The following NEK10 variants were observed in gnomAD, a reference collection of about 807,000 sequenced individuals.
NEK10 encodes NIMA related kinase 10.
A neutral mutation model predicts 159.8 loss-of-function variants in NEK10; 122 were observed. The observed-to-expected ratio is 0.76, with a 90% confidence interval of 0.66 to 0.89. The LOEUF (loss-of-function observed/expected upper bound fraction) is 0.89, where lower values mean the gene tolerates loss of function less well. NEK10 is among the 40% of genes least tolerant of loss of function. The pLI, the probability that NEK10 is intolerant of heterozygous loss-of-function variation, is 0.00. For missense variants in NEK10, 1,342 were observed against 1,323.1 expected, an observed-to-expected ratio of 1.01 and a Z score of -0.22; for synonymous variants, 466 against 457.1, an observed-to-expected ratio of 1.02 and a Z score of -0.25.
chr3:27,111,233 T>C lies in NEK10; in HGVS notation c.*39A>G. The C allele has an allele frequency of 6.3e-7, 1 of 1,595,430 alleles. No homozygotes were observed. The highest frequency in any genetic ancestry group is 8.6e-7 in the Non-Finnish European group (1 of 1,165,564). On this transcript the variant is annotated 3_prime_UTR_variant, in exon 36 of 36. Coordinates refer to ENST00000691995, the MANE Select transcript of NEK10 (RefSeq NM_001394966.1). Reference sequence around the variant, plus strand: ...AGCGGCTGAAGTCCAGAACTTGAACTTCACTGAGAAAATCAAGTCCACTCA... The same window carrying C: ...AGCGGCTGAAGTCCAGAACTTGAACCTCACTGAGAAAATCAAGTCCACTCA...
At chr3:27,268,047 A>G (rs2041046211) in intron 22 of NEK10, among the ~76,000 whole-genome samples, 1 of 152,218 alleles carries the variant, frequency 6.6e-6, no homozygotes, top group South Asian at 2.1e-4. Context: ...GGTCAAACCA[A>G]CACATTCCCT....
rs545774962 is a variant in NEK10, at chr3:27,308,930, C to T, written c.712G>A (p.Glu238Lys). ...GSLLALASLA[E>K]SQECREKISE... Reference sequence around the variant, plus strand: ...ATATTAGAATACACTACTTACCTTTCTGCTAAACTAGCCAGAGCCAGAAGG... The same window carrying T: ...ATATTAGAATACACTACTTACCTTTTTGCTAAACTAGCCAGAGCCAGAAGG... The change falls in exon 10 of 36, where the codon GAA becomes AAA. Residue 238 changes from glutamate to lysine, a missense_variant. By Grantham distance (56) the Glu-to-Lys change is moderately conservative (BLOSUM62 1). Transcript: ENST00000691995. 1 of 1,564,132 alleles carries T rather than the reference C, an allele frequency of 6.4e-7. No homozygotes were observed.
intron 22 of NEK10, among the ~76,000 whole-genome samples, chr3:27,270,588 G>A (rs1410251955): frequency 1.3e-5 from 2 of 152,076 alleles, no homozygotes; most frequent in African/African-American, 2.4e-5. Context: ...GCCATCATCC[G>A]TCCATGCTAC....
At chr3:27,340,609 T>C (rs564095068) in intron 5 of NEK10, among the ~76,000 whole-genome samples, 16 of 152,108 alleles carry the variant, frequency 1.1e-4, no homozygotes, top group African/African-American at 3.9e-4. Context: ...TGAAAAAAAG[T>C]TCAACATCAC....
intron 30 of NEK10, among the ~76,000 whole-genome samples, chr3:27,155,924 T>C (rs1945363302): frequency 6.6e-6 from 1 of 152,156 alleles, no homozygotes; most frequent in Non-Finnish European, 1.5e-5. Flanking sequence ...AACAGCATGG[T>C]ACTGGTATAA....
At position 27,362,168 on chromosome 3, in the gene NEK10, G is replaced by C. The variant is rs6778991; in HGVS notation, c.-38+7057C>G. Among the ~76,000 whole-genome samples the C allele has an allele frequency of 5.4e-3, 825 of 152,256 alleles. 9 individuals are homozygous for C. Among genetic ancestry groups the C allele is most frequent in the African/African-American group, 0.018 (743 of 41,556 alleles). On this transcript the variant is annotated intron_variant, in intron 1 of 35. Transcript: ENST00000691995. ...GAAGAAGGTCCAGAAGGATGGGCAG[G>C]GGGGTGAACAACGGGCCTGGCCAGT...
At chr3:27,268,844 G>C (rs531233735) in intron 22 of NEK10, among the ~76,000 whole-genome samples, 1 of 152,208 alleles carries the variant, frequency 6.6e-6, no homozygotes, top group African/African-American at 2.4e-5. Context: ...AATGGATCTG[G>C]GCAACGTTTA....
intron 30 of NEK10, among the ~76,000 whole-genome samples, chr3:27,157,346 A>C (rs1219144999): frequency 3.3e-5 from 5 of 152,172 alleles, no homozygotes; most frequent in Admixed American, 6.5e-5. Context: ...TGAATGGTCA[A>C]AATATCAACA....
chr3:27,227,186 T>C (rs899266523), intron 23 of NEK10, among the ~76,000 whole-genome samples: 2 of 152,124 alleles, frequency 1.3e-5, no homozygotes, highest in African/African-American at 4.8e-5. Flanking sequence ...AGCAAACTAA[T>C]GGAGGTGTAG....
intron 23 of NEK10, among the ~76,000 whole-genome samples, chr3:27,236,028 C>A (rs1953872688): frequency 6.6e-6 from 1 of 151,000 alleles, no homozygotes; most frequent in African/African-American, 2.4e-5. Context: ...AGGCCATTAT[C>A]ATTAGCAAAC....
At chr3:27,349,196 G>A (rs1575867053) in intron 3 of NEK10, among the ~76,000 whole-genome samples, 1 of 152,188 alleles carries the variant, frequency 6.6e-6, no homozygotes, top group South Asian at 2.1e-4. Context: ...TAGGCTTTCA[G>A]ACATTACATA....
intron 8 of NEK10, chr3:27,311,560 C>T (rs919103224): frequency 2.5e-5 from 4 of 160,430 alleles, no homozygotes; most frequent in Middle Eastern, 6.2e-3. Flanking sequence ...GCATCCCACA[C>T]GGCAGGACGT....
At chr3:27,235,653 A>G (rs1953828204) in intron 23 of NEK10, among the ~76,000 whole-genome samples, 1 of 152,194 alleles carries the variant, frequency 6.6e-6, no homozygotes, top group Admixed American at 6.5e-5. Context: ...ATGCTTTTAC[A>G]TTGTTGATGG....
intron 12 of NEK10, 70 bp from the exon 13 acceptor site, chr3:27,301,905 AT>A: frequency 8.0e-7 from 1 of 1,253,730 alleles, no homozygotes; most frequent in Non-Finnish European, 1.1e-6. Context: ...TCTGTGTCAC[AT>A]TTAAGAAATC....
chr3:27,166,874 C>T (rs746975169), intron 29 of NEK10, among the ~76,000 whole-genome samples: 13 of 152,086 alleles, frequency 8.5e-5, no homozygotes, highest in South Asian at 2.1e-4. Context: ...GCAGGAGAAC[C>T]GCTGGAACCC....
chr3:27,218,998 A>C (rs1365514267), intron 23 of NEK10, among the ~76,000 whole-genome samples: 1 of 152,258 alleles, frequency 6.6e-6, no homozygotes, highest in Non-Finnish European at 1.5e-5. Context: ...CAACACAAGA[A>C]GGGTAAGAGA....
intron 5 of NEK10, among the ~76,000 whole-genome samples, chr3:27,340,457 T>C (rs1428643245): frequency 6.6e-6 from 1 of 152,120 alleles, no homozygotes; most frequent in East Asian, 1.9e-4. Flanking sequence ...CAAACCACCA[T>C]GGCACATGTA....
intron 11 of NEK10, among the ~76,000 whole-genome samples, chr3:27,305,630 A>T (rs1363563776): frequency 1.4e-5 from 2 of 147,090 alleles, no homozygotes; most frequent in Non-Finnish European, 3.0e-5. Context: ...AAAAAAAAAA[A>T]TAATAATAAT....
intron 23 of NEK10, among the ~76,000 whole-genome samples, chr3:27,208,869 G>A (rs1319705448): frequency 6.6e-6 from 1 of 152,178 alleles, no homozygotes; most frequent in Non-Finnish European, 1.5e-5. Flanking sequence ...TCACGGAAAT[G>A]TTCTCAGCTC....
Sources: gnomAD v4.1 joint callset for allele counts (sites outside exome capture counted in the v4.1 genomes callset) on GRCh38, gnomAD v4.1.1 for gene constraint, MANE v1.5 for transcripts, NCBI Gene and HGNC (gene_info 2026-07-23, HGNC 2026-07-21) for gene names.